Variants in FOXP1 observed in about 807,000 individuals in gnomAD.
FOXP1 encodes forkhead box protein P1.
FOXP1 carries 15 observed loss-of-function variants against 98.2 expected under a neutral mutation model. The ratio of observed to expected loss-of-function variants is 0.15; its 90% CI spans 0.10 to 0.24. FOXP1 has a LOEUF of 0.24. FOXP1 is among the 10% of genes least tolerant of loss of function. The probability of loss-of-function intolerance (pLI) is 1.00; values close to 1 mark genes in which losing one functional copy is unlikely to be tolerated. For missense variants in FOXP1, 633 were observed against 848.5 expected (o/e 0.75, Z 3.15); for synonymous variants, 371 against 314.5 (o/e 1.18, Z -1.90).
At chr3:71,272,437 T>C (rs566782684) in intron 5 of FOXP1, among the ~76,000 whole-genome samples, 42 of 152,204 alleles carry the variant, frequency 2.8e-4, no homozygotes, top group African/African-American at 9.6e-4. Context: ...CCCATGGGTC[T>C]TGCAATATAC....
chr3:71,322,213 C>T (rs530065965), intron 4 of FOXP1, among the ~76,000 whole-genome samples: 2 of 152,298 alleles, frequency 1.3e-5, no homozygotes, highest in Admixed American at 1.3e-4. Context: ...CCGCTGCCCT[C>T]AAGAAGCTCA....
At chr3:71,019,809 G>A (rs991442109) in intron 11 of FOXP1, among the ~76,000 whole-genome samples, 3 of 151,608 alleles carry the variant, frequency 2.0e-5, no homozygotes, top group Admixed American at 6.6e-5. Context: ...CAGCCTGGGC[G>A]ACAGATGACA....
chr3:71,139,838 G>T (rs956295053), intron 6 of FOXP1, among the ~76,000 whole-genome samples: 2 of 152,168 alleles, frequency 1.3e-5, no homozygotes, highest in African/African-American at 4.8e-5. Flanking sequence ...GGTAGAAGTT[G>T]CTTTCCGGAC....
intron 3 of FOXP1, among the ~76,000 whole-genome samples, chr3:71,470,024 G>A (rs1296032122): frequency 1.3e-5 from 2 of 151,480 alleles, no homozygotes; most frequent in African/African-American, 2.4e-5. Context: ...ACTGCCTCCT[G>A]ATTTCAAAAT....
At chr3:71,338,267 A>G (rs2076806092) in intron 4 of FOXP1, among the ~76,000 whole-genome samples, 1 of 152,250 alleles carries the variant, frequency 6.6e-6, no homozygotes, top group Non-Finnish European at 1.5e-5. Context: ...ACAAATAGGT[A>G]CAAAGGCAGG....
intron 5 of FOXP1, among the ~76,000 whole-genome samples, chr3:71,241,816 T>C (rs1487789948): frequency 2.0e-5 from 3 of 152,258 alleles, no homozygotes; most frequent in Non-Finnish European, 4.4e-5. Flanking sequence ...TCAAAGTGAT[T>C]GGTTAAAGTT....
chr3:71,543,016 A>C (rs1336135225), intron 2 of FOXP1, among the ~76,000 whole-genome samples: 2 of 152,220 alleles, frequency 1.3e-5, no homozygotes, highest in African/African-American at 4.8e-5. Context: ...TTTAGCCCGC[A>C]CAATACTGAC....
intron 1 of FOXP1, among the ~76,000 whole-genome samples, chr3:71,583,001 A>G (rs1013248696): frequency 1.3e-5 from 2 of 151,958 alleles, no homozygotes; most frequent in African/African-American, 4.8e-5. Context: ...AGTTTGCTCC[A>G]AGTCTAAACT....
intron 4 of FOXP1, among the ~76,000 whole-genome samples, chr3:71,344,551 T>C (rs550458018): frequency 2.8e-4 from 43 of 152,302 alleles, no homozygotes; most frequent in Non-Finnish European, 4.9e-4. Flanking sequence ...AGAATCATAT[T>C]TGAAGCTGGG....
intron 4 of FOXP1, among the ~76,000 whole-genome samples, chr3:71,340,664 T>C (rs1243621630): frequency 6.6e-6 from 1 of 152,182 alleles, no homozygotes; most frequent in African/African-American, 2.4e-5. Context: ...CTCCCAGTCA[T>C]CTGCTACTGA....
intron 2 of FOXP1, among the ~76,000 whole-genome samples, chr3:71,506,244 G>T (rs186056092): frequency 1.3e-5 from 2 of 152,212 alleles, no homozygotes; most frequent in African/African-American, 4.8e-5. Flanking sequence ...TGATACTCGT[G>T]GTCCAACCCT....
intron 3 of FOXP1, among the ~76,000 whole-genome samples, chr3:71,392,889 G>C (rs537576612): frequency 3.9e-5 from 6 of 152,256 alleles, no homozygotes; most frequent in African/African-American, 9.6e-5. Context: ...TACCTAGAAA[G>C]TATCTTCACA....
intron 14 of FOXP1, among the ~76,000 whole-genome samples, chr3:70,981,573 G>A (rs1439058566): frequency 6.6e-6 from 1 of 152,190 alleles, no homozygotes; most frequent in East Asian, 1.9e-4. Flanking sequence ...GGAATATTTT[G>A]TAGAAACAGT....
intron 4 of FOXP1, among the ~76,000 whole-genome samples, chr3:71,354,136 C>T (rs1441233645): frequency 7.6e-6 from 1 of 131,438 alleles, no homozygotes; most frequent in Non-Finnish European, 1.6e-5. Context: ...GAAACCCCGT[C>T]TGTATTAAAA....
intron 13 of FOXP1, among the ~76,000 whole-genome samples, chr3:70,992,950 A>AT (rs2040836286): frequency 6.6e-6 from 1 of 152,174 alleles, no homozygotes; most frequent in African/African-American, 2.4e-5. Flanking sequence ...TGTGCAGGGC[A>AT]TATCAGGAGG....
intron 5 of FOXP1, among the ~76,000 whole-genome samples, chr3:71,206,959 G>A (rs1287881586): frequency 2.6e-5 from 4 of 152,122 alleles, no homozygotes; most frequent in South Asian, 4.1e-4. Flanking sequence ...CCACTCCCTC[G>A]CATATTAATC....
At chr3:71,067,673 G>C (rs2052685894) in intron 7 of FOXP1, among the ~76,000 whole-genome samples, 1 of 151,432 alleles carries the variant, frequency 6.6e-6, no homozygotes, top group Admixed American at 6.6e-5. Flanking sequence ...AAGGCAGGAA[G>C]ACTGCTTTGA....
Position 71,238,270 on chromosome 3 carries a change from C to T in FOXP1, c.-11-39878G>A, listed in dbSNP as rs902043034. 3.0e-4 allele frequency among the ~76,000 whole-genome samples: 46 copies of T among 152,146 alleles called. 2 individuals are homozygous for T. Among genetic ancestry groups the T allele is most frequent in the Non-Finnish European group, 2.9e-5 (2 of 68,028 alleles). ...ACCTGCATAAGCAAGTTATTCAATC[C>T]GAGTGAATGTCTGCTTCCTCATTAG... is the stretch of plus-strand genomic sequence containing the variant. On this transcript the variant is annotated intron_variant, in intron 5 of 20. Coordinates refer to ENST00000649528, the MANE Select transcript of FOXP1 (RefSeq NM_001349338.3).
chr3:71,069,418 T>C (rs2052949999), intron 7 of FOXP1, among the ~76,000 whole-genome samples: 1 of 152,228 alleles, frequency 6.6e-6, no homozygotes, highest in Non-Finnish European at 1.5e-5. Context: ...CATCCTTTCC[T>C]AACTCTGCAT....
Sources: allele counts gnomAD v4.1 joint callset (sites outside exome capture counted in the v4.1 genomes callset), GRCh38; gene constraint gnomAD v4.1.1; transcripts MANE v1.5; gene names NCBI Gene and HGNC (gene_info 2026-07-23, HGNC 2026-07-21).